The following PPP2R5C variants were observed in gnomAD, a reference collection of about 807,000 sequenced individuals.
The protein encoded by PPP2R5C is serine/threonine-protein phosphatase 2A 56 kDa regulatory subunit gamma isoform.
Under a neutral mutation model 68.9 loss-of-function variants are expected in PPP2R5C, and 7 were observed. The observed-to-expected ratio is 0.10, with a 90% CI of 0.06 to 0.19. PPP2R5C has a LOEUF of 0.19. Among genes scored for constraint, PPP2R5C ranks in the 10% least tolerant of loss-of-function variants. The probability of loss-of-function intolerance (pLI) is 1.00; values close to 1 mark genes in which losing one functional copy is unlikely to be tolerated. For synonymous variants in PPP2R5C, 210 were observed against 222.2 expected (o/e 0.95, Z 0.49); for missense variants, 348 against 641.3 (o/e 0.54, Z 4.94).
At position 101,821,696 on chromosome 14, in the gene PPP2R5C, G is replaced by A. The variant is rs573553538; in HGVS notation, c.94+11660G>A. The stretch of plus-strand genomic sequence containing the variant: ...ATTGTACTGTGTATACATACGTTAC[G>A]TAAATGCTTAATGTGGTCTCGCATG... On this transcript the variant is annotated intron_variant, in intron 1 of 13. Transcript: ENST00000334743. Among the ~76,000 whole-genome samples the A allele has an allele frequency of 1.4e-4, 21 of 152,094 alleles. No homozygotes were observed. The South Asian group carries it at 2.5e-3, about 18-fold the overall frequency.
chr14:101,851,802 G>A (rs2042168427), intron 1 of PPP2R5C, among the ~76,000 whole-genome samples: 1 of 151,930 alleles, frequency 6.6e-6, no homozygotes, highest in Non-Finnish European at 1.5e-5. Flanking sequence ...ATGTAAATGT[G>A]GGCTTGGCTT....
intron 1 of PPP2R5C, among the ~76,000 whole-genome samples, chr14:101,810,800 G>A (rs1016802257): frequency 3.3e-5 from 5 of 152,190 alleles, no homozygotes; most frequent in African/African-American, 4.8e-5. Context: ...TAGCCTAAAA[G>A]CACAACTACT....
intron 12 of PPP2R5C, chr14:101,914,420 A>G (rs1425783678): frequency 8.1e-6 from 2 of 246,448 alleles, no homozygotes. Flanking sequence ...AATTCTGATC[A>G]CTGCTTCCCA....
chr14:101,787,564 C>A (rs796162887), intron 3 of PPP2R5C, among the ~76,000 whole-genome samples: 1 of 150,960 alleles, frequency 6.6e-6, no homozygotes, highest in Non-Finnish European at 1.5e-5. Context: ...GAGATCAAGA[C>A]CATCCTGGCT....
chr14:101,852,846 G>A (rs756174262), intron 1 of PPP2R5C, among the ~76,000 whole-genome samples: 3 of 151,874 alleles, frequency 2.0e-5, no homozygotes, highest in Non-Finnish European at 2.9e-5. Flanking sequence ...CTTCTCCTAC[G>A]GGTTTTGCAT....
chr14:101,786,279 G>T (rs2038084360), intron 3 of PPP2R5C, 96 bp downstream of exon 3: 7 of 1,133,976 alleles, frequency 6.2e-6, no homozygotes, highest in Admixed American at 3.6e-5. Flanking sequence ...TGCTGTGTTT[G>T]TATTTTGTGG....
At chr14:101,762,201 C>A (rs999317409) in intron 1 of PPP2R5C, among the ~76,000 whole-genome samples, 1 of 151,746 alleles carries the variant, frequency 6.6e-6, no homozygotes. Context: ...AGGGAGGGCG[C>A]GGCCCGGGGA....
At chr14:101,852,459 T>A (rs932955020) in intron 1 of PPP2R5C, among the ~76,000 whole-genome samples, 5 of 146,374 alleles carry the variant, frequency 3.4e-5, no homozygotes, top group Non-Finnish European at 6.0e-5. Flanking sequence ...TTTTTTTTCA[T>A]TTTCTTTTTC....
intron 2 of PPP2R5C, among the ~76,000 whole-genome samples, chr14:101,873,565 T>A (rs2043558949): frequency 1.3e-5 from 2 of 152,194 alleles, no homozygotes; most frequent in Non-Finnish European, 2.9e-5. Flanking sequence ...ACAGACACTG[T>A]TCCCAGCCCC....
chr14:101,890,400 C>T (rs2044790446), intron 6 of PPP2R5C, 104 bp downstream of exon 8: 1 of 1,111,490 alleles, frequency 9.0e-7, no homozygotes, highest in Non-Finnish European at 1.3e-6. Context: ...GCAGTTTAAA[C>T]CATTCTCTAA....
chr14:101,838,321 A>C (rs2041248469), intron 1 of PPP2R5C, among the ~76,000 whole-genome samples: 3 of 152,232 alleles, frequency 2.0e-5, no homozygotes, highest in Admixed American at 2.0e-4. Flanking sequence ...GGTGAATGCA[A>C]GCGTCTTGTG....
chr14:101,795,239 A>G lies in PPP2R5C; in HGVS notation c.259+9056A>G, dbSNP rs544752410. Among the ~76,000 whole-genome samples, 25 of 152,330 alleles carry G rather than the reference A, an allele frequency of 1.6e-4. 1 individual carries two copies. The East Asian group carries it at 4.8e-3, about 29-fold the overall frequency. On this transcript the variant is annotated intron_variant, in intron 3 of 14. Coordinates refer to the PPP2R5C transcript ENST00000328724. ...CTGGATCAAAGAGCAGGCATTTTCA[A>G]AAACCCTTAATAGATATTGTCTACA...
chr14:101,914,662 A>G (rs2046564688), intron 12 of PPP2R5C: 1 of 156,796 alleles, frequency 6.4e-6, no homozygotes, highest in Non-Finnish European at 1.4e-5. Flanking sequence ...GACAGCACGT[A>G]CCCAGCAGGC....
chr14:101,768,318 T>C (rs990443764), intron 2 of PPP2R5C, among the ~76,000 whole-genome samples: 1 of 152,146 alleles, frequency 6.6e-6, no homozygotes, highest in African/African-American at 2.4e-5. Context: ...CAGCAGTGAG[T>C]GCTCACACAG....
chr14:101,855,943 A>G lies in PPP2R5C; in HGVS notation c.95-743A>G, dbSNP rs145137531. On this transcript the variant is annotated intron_variant, in intron 1 of 13. Transcript: ENST00000334743. ...TTTTAGGATGATGTCTGGCCCAGGT[A>G]AGCACTCACTAAGTAATAGTTACCG... Among the ~76,000 whole-genome samples, 491 of 152,330 alleles carry G rather than the reference A, an allele frequency of 3.2e-3. 2 individuals carry two copies. The highest frequency in any genetic ancestry group is 0.011 in the African/African-American group (460 of 41,570).
At position 101,900,412 on chromosome 14, in the gene PPP2R5C, C is replaced by T. The variant is rs2045609842; in HGVS notation, c.853-1307C>T. On this transcript the variant is annotated intron_variant, in intron 8 of 13. Transcript: ENST00000334743. ...TGACTAGTGAGTGAAAACGACCAGG[C>T]GGTCCCGGGGGCCAGCACTTGTGGC... Among the ~76,000 whole-genome samples the T allele has an allele frequency of 2.0e-5, 3 of 152,210 alleles. No homozygotes were observed. The South Asian group carries it at 6.2e-4, about 32-fold the overall frequency.
chr14:101,864,519 C>A (rs2042940986), intron 2 of PPP2R5C, among the ~76,000 whole-genome samples: 1 of 152,216 alleles, frequency 6.6e-6, no homozygotes, highest in Admixed American at 6.5e-5. Flanking sequence ...GGGCCAAGGA[C>A]TGCGGTGGCG....
chr14:101,886,568 TA>T (rs1450827407), intron 5 of PPP2R5C, among the ~76,000 whole-genome samples: 1 of 152,200 alleles, frequency 6.6e-6, no homozygotes, highest in Non-Finnish European at 1.5e-5. Context: ...ATTGTCCTGA[TA>T]CGCGCAGTCA....
At chr14:101,841,285 G>A (rs892353163) in intron 1 of PPP2R5C, among the ~76,000 whole-genome samples, 2 of 152,156 alleles carry the variant, frequency 1.3e-5, no homozygotes, top group Non-Finnish European at 2.9e-5. Context: ...CTAAATGAAG[G>A]ATTCAGAGTT....
Sources: gnomAD v4.1 joint callset for allele counts (sites outside exome capture counted in the v4.1 genomes callset) on GRCh38, gnomAD v4.1.1 for gene constraint, MANE v1.5 for transcripts, NCBI Gene and HGNC (gene_info 2026-07-23, HGNC 2026-07-21) for gene names.